The following ZNG1A variants were observed in gnomAD, a reference collection of about 807,000 sequenced individuals.
The protein encoded by ZNG1A is zinc-regulated GTPase metalloprotein activator 1A.
At chr9:170,582 C>T in the ZNG1A span, among the ~76,000 whole-genome samples, 12 of 149,904 alleles carry the variant, frequency 8.0e-5, no homozygotes, top group African/African-American at 2.5e-4. Context: ...GACTGGATTT[C>T]ACCATGTTGG....
chr9:175,116 T>C, the ZNG1A span, among the ~76,000 whole-genome samples: 4 of 152,220 alleles, frequency 2.6e-5, no homozygotes, highest in African/African-American at 4.8e-5. Context: ...TGGTGCCTCA[T>C]GCCTGTAATC....
the ZNG1A span, chr9:121,433 T>A: frequency 1.3e-6 from 2 of 1,549,018 alleles, no homozygotes; most frequent in Non-Finnish European, 1.8e-6. Flanking sequence ...TTATTTTTAT[T>A]ATCCAATCCT....
At chr9:149,062 T>C in the ZNG1A span, 6 of 149,410 alleles carry the variant, frequency 4.0e-5, no homozygotes, top group African/African-American at 1.5e-4. Context: ...CCAAAAGCCT[T>C]CCCCAGTGGC....
chr9:173,819 A>C, the ZNG1A span, among the ~76,000 whole-genome samples: 1 of 152,160 alleles, frequency 6.6e-6, no homozygotes, highest in African/African-American at 2.4e-5. Flanking sequence ...AAACTGCTGA[A>C]TATTCCCAAT....
the ZNG1A span, among the ~76,000 whole-genome samples, chr9:142,278 C>T: frequency 2.5e-5 from 3 of 118,580 alleles, no homozygotes; most frequent in Admixed American, 2.7e-4. Context: ...CCAAAATTGA[C>T]CACATACTTG....
chr9:160,932 A>G, the ZNG1A span, among the ~76,000 whole-genome samples: 2,278 of 142,442 alleles, frequency 0.016, 32 homozygotes, highest in Middle Eastern at 0.036. Context: ...ATTTTTCTGC[A>G]TGAAACTGTA....
At chr9:155,621 C>A in the ZNG1A span, among the ~76,000 whole-genome samples, 1 of 152,104 alleles carries the variant, frequency 6.6e-6, no homozygotes, top group Non-Finnish European at 1.5e-5. Context: ...CAATTTTCCT[C>A]AATTATTCAG....
the ZNG1A span, among the ~76,000 whole-genome samples, chr9:168,754 G>A: frequency 6.7e-6 from 1 of 148,242 alleles, no homozygotes; most frequent in Non-Finnish European, 1.5e-5. Context: ...GGGCCATTAA[G>A]AATTATGCTA....
At chr9:152,232 G>T in the ZNG1A span, among the ~76,000 whole-genome samples, 1 of 151,258 alleles carries the variant, frequency 6.6e-6, no homozygotes, top group African/African-American at 2.4e-5. Flanking sequence ...AACAAAACTT[G>T]CTTTAAAAAA....
chr9:122,496 T>A, the ZNG1A span: 2 of 1,060,982 alleles, frequency 1.9e-6, no homozygotes, highest in Admixed American at 9.7e-5. Flanking sequence ...TTTGGTTATA[T>A]TAAATAATTT....
chr9:178,583 G>C, the ZNG1A span, among the ~76,000 whole-genome samples: 4 of 110,022 alleles, frequency 3.6e-5, no homozygotes, highest in African/African-American at 1.1e-4. Context: ...TGCTTCAAAG[G>C]CTAACTTTCC....
chr9:131,938 G>C, the ZNG1A span, among the ~76,000 whole-genome samples: 2 of 136,818 alleles, frequency 1.5e-5, no homozygotes, highest in Non-Finnish European at 3.1e-5. Context: ...TTCTGTACCA[G>C]ACACCTACTC....
At chr9:127,828 A>G in the ZNG1A span, among the ~76,000 whole-genome samples, 1 of 152,146 alleles carries the variant, frequency 6.6e-6, no homozygotes, top group Non-Finnish European at 1.5e-5. Context: ...TTCTGTTTTG[A>G]TATGTTTCCA....
the ZNG1A span, among the ~76,000 whole-genome samples, chr9:142,564 G>A: frequency 1.1e-5 from 1 of 94,332 alleles, no homozygotes; most frequent in African/African-American, 5.3e-5. Flanking sequence ...GAAATTTATA[G>A]CACTAAATGC....
the ZNG1A span, among the ~76,000 whole-genome samples, chr9:173,578 C>T: frequency 1.3e-5 from 2 of 152,170 alleles, no homozygotes; most frequent in Non-Finnish European, 2.9e-5. Flanking sequence ...CTGAAAAAGA[C>T]ACATCCTAAA....
the ZNG1A span, among the ~76,000 whole-genome samples, chr9:129,419 T>C: frequency 6.6e-6 from 1 of 150,626 alleles, no homozygotes; most frequent in African/African-American, 2.5e-5. Flanking sequence ...AACAACCACC[T>C]AAATGTCCAG....
chr9:145,243 G>A, the ZNG1A span, among the ~76,000 whole-genome samples: 1 of 151,618 alleles, frequency 6.6e-6, no homozygotes, highest in Non-Finnish European at 1.5e-5. Flanking sequence ...AAAGACACAT[G>A]CACACGTATA....
the ZNG1A span, among the ~76,000 whole-genome samples, chr9:140,390 C>G: frequency 7.3e-5 from 11 of 151,080 alleles, no homozygotes; most frequent in South Asian, 2.1e-4. Flanking sequence ...GAGGCACCCC[C>G]TAGCAGAGGC....
At chr9:143,658 CA>C in the ZNG1A span, among the ~76,000 whole-genome samples, 1 of 122,512 alleles carries the variant, frequency 8.2e-6, no homozygotes, top group Non-Finnish European at 1.6e-5. Flanking sequence ...CCTCTCTCCC[CA>C]CTCCTATTCA....
Sources: gnomAD v4.1 joint callset for allele counts (sites outside exome capture counted in the v4.1 genomes callset) on GRCh38, gnomAD v4.1.1 for gene constraint, MANE v1.5 for transcripts, NCBI Gene and HGNC (gene_info 2026-07-23, HGNC 2026-07-21) for gene names.